The following CCSER1 variants were observed in gnomAD, a reference collection of about 807,000 sequenced individuals.
CCSER1 encodes coiled-coil serine rich protein 1, also known as serine-rich coiled-coil domain-containing protein 1.
Under a neutral mutation model 82.0 loss-of-function variants are expected in CCSER1, and 41 were observed. The observed-to-expected ratio is 0.50, with a 90% confidence interval of 0.39 to 0.65. The LOEUF is 0.65. Ranked by LOEUF, CCSER1 falls within the 30% of genes least tolerant of loss-of-function variation. The probability of loss-of-function intolerance (pLI) is 0.00; values close to 1 mark genes in which losing one functional copy is unlikely to be tolerated. For synonymous variants in CCSER1, 414 were observed against 383.9 expected (o/e 1.08, Z -0.92); for missense variants, 1,119 against 1,064.2 (o/e 1.05, Z -0.72).
At chr4:90,521,157 GCTTCT>G (rs1171653757) in intron 5 of CCSER1, among the ~76,000 whole-genome samples, 2 of 152,016 alleles carry the variant, frequency 1.3e-5, no homozygotes, top group Non-Finnish European at 2.9e-5. Flanking sequence ...TAATTCTTGT[GCTTCT>G]CTTAAGTTCC....
chr4:91,552,705 C>T (rs1762212735), intron 10 of CCSER1, among the ~76,000 whole-genome samples: 2 of 151,334 alleles, frequency 1.3e-5, no homozygotes, highest in African/African-American at 4.9e-5. Context: ...AGAAATGCAA[C>T]TGAGTTTTGC....
In CCSER1 at chr4:90,692,931, A is replaced by T. The variant is rs533058920; in HGVS notation, c.1933-30983A>T. 9.4e-4 allele frequency among the ~76,000 whole-genome samples: 143 copies of T among 152,070 alleles called. 1 individual carries two copies. The highest frequency in any genetic ancestry group is 3.2e-3 in the African/African-American group (132 of 41,550). On this transcript the variant is annotated intron_variant, in intron 6 of 10. Transcript: ENST00000509176. Reference sequence around the variant, plus strand: ...TTCACGTTTTTCTCATTTTAAATGCATGTCCTTTTTTCTTTATAAAGATGT... The same window carrying T: ...TTCACGTTTTTCTCATTTTAAATGCTTGTCCTTTTTTCTTTATAAAGATGT...
chr4:90,154,021 T>G (rs958567074), intron 1 of CCSER1, among the ~76,000 whole-genome samples: 11 of 152,218 alleles, frequency 7.2e-5, no homozygotes, highest in Non-Finnish European at 1.3e-4. Flanking sequence ...GTCTAACGTT[T>G]AAGTCTTTAA....
intron 10 of CCSER1, among the ~76,000 whole-genome samples, chr4:91,384,749 A>T (rs1372594382): frequency 6.6e-6 from 1 of 152,086 alleles, no homozygotes; most frequent in Non-Finnish European, 1.5e-5. Flanking sequence ...TTCATGACAA[A>T]GTGCACCGTA....
intron 1 of CCSER1, among the ~76,000 whole-genome samples, chr4:90,172,789 G>A (rs913300530): frequency 1.3e-5 from 2 of 151,850 alleles, no homozygotes; most frequent in African/African-American, 4.8e-5. Context: ...GTTTGAAATA[G>A]TAAAATGAAA....
intron 5 of CCSER1, among the ~76,000 whole-genome samples, chr4:90,485,102 C>A (rs1766792492): frequency 6.6e-6 from 1 of 152,186 alleles, no homozygotes. Context: ...GCCTTGCTGC[C>A]ACCTTGCAGT....
intron 9 of CCSER1, among the ~76,000 whole-genome samples, chr4:90,956,915 G>T (rs1394512353): frequency 6.7e-6 from 1 of 148,482 alleles, no homozygotes; most frequent in Non-Finnish European, 1.5e-5. Flanking sequence ...GTGTAGCTGG[G>T]ACTACAGGTG....
intron 10 of CCSER1, among the ~76,000 whole-genome samples, chr4:91,154,609 A>G (rs1730614726): frequency 6.6e-6 from 1 of 152,040 alleles, no homozygotes; most frequent in African/African-American, 2.4e-5. Context: ...CATCTTCTGC[A>G]TCACTCACGC....
At chr4:90,665,199 G>C (rs1167461954) in intron 6 of CCSER1, among the ~76,000 whole-genome samples, 1 of 152,032 alleles carries the variant, frequency 6.6e-6, no homozygotes, top group African/African-American at 2.4e-5. Flanking sequence ...GAAGAGCAGG[G>C]AAGAAAAACA....
At position 90,905,865 on chromosome 4, in the gene CCSER1, G is replaced by A. The variant is rs546276177; in HGVS notation, c.2095-17505G>A. Among the ~76,000 whole-genome samples, 7 of 152,112 alleles carry A rather than the reference G, an allele frequency of 4.6e-5. No individual in the cohort carries two copies. The East Asian group carries it at 5.8e-4, about 13-fold the overall frequency. On this transcript the variant is annotated intron_variant, in intron 8 of 10. Transcript: ENST00000509176. ...ACTGTGAACATTTAGCCAAAATGTC[G>A]CATAACTAGTTTTGTTTATAAATAT...
At chr4:91,136,679 T>C (rs1728497649) in intron 10 of CCSER1, among the ~76,000 whole-genome samples, 1 of 152,108 alleles carries the variant, frequency 6.6e-6, no homozygotes, top group African/African-American at 2.4e-5. Context: ...TATGAATTTA[T>C]TCAAACTTTA....
rs182147485 is a variant in CCSER1 at position 91,096,215 on chromosome 4, G to A, written c.2217+10221G>A. 9.2e-5 allele frequency among the ~76,000 whole-genome samples: 14 copies of A among 152,248 alleles called. No homozygotes were observed. In the East Asian group the frequency reaches 1.7e-3, roughly 19 times the overall value. ...TCCAGTATTGGGCCGTAAATGGGCC[G>A]CCAAGGGAGGAGTTTCTCCTGCAGC... On this transcript the variant is annotated intron_variant, in intron 10 of 10. Transcript: ENST00000509176.
chr4:90,731,259 C>G (rs1335415957), intron 7 of CCSER1, among the ~76,000 whole-genome samples: 1 of 152,056 alleles, frequency 6.6e-6, no homozygotes, highest in African/African-American at 2.4e-5. Flanking sequence ...CTTTAGGTAA[C>G]TTTCTGATGT....
At chr4:90,827,145 G>A (rs1200141986) in intron 8 of CCSER1, among the ~76,000 whole-genome samples, 1 of 152,210 alleles carries the variant, frequency 6.6e-6, no homozygotes, top group Non-Finnish European at 1.5e-5. Context: ...AAAGCAAGGG[G>A]AGGAATATCC....
intron 6 of CCSER1, among the ~76,000 whole-genome samples, chr4:90,644,945 C>T (rs768154469): frequency 3.3e-5 from 5 of 151,138 alleles, no homozygotes; most frequent in African/African-American, 9.7e-5. Flanking sequence ...AGCTGGATGT[C>T]GTGGCACACA....
chr4:91,413,971 T>G (rs1159812636), intron 10 of CCSER1, among the ~76,000 whole-genome samples: 1 of 152,018 alleles, frequency 6.6e-6, no homozygotes, highest in African/African-American at 2.4e-5. Flanking sequence ...GAAGAAAAGA[T>G]AAAGACATTA....
At position 91,220,855 on chromosome 4, in the gene CCSER1, A is replaced by G. The variant is rs559123247; in HGVS notation, c.2217+134861A>G. ...TTGACTGTAGTAAGCACTTCACTATATATACATATATATCAAAATATCATG... is the reference window on the plus strand; with the variant it reads ...TTGACTGTAGTAAGCACTTCACTATGTATACATATATATCAAAATATCATG... On this transcript the variant is annotated intron_variant, in intron 10 of 10. Coordinates refer to ENST00000509176, the MANE Select transcript of CCSER1 (RefSeq NM_001145065.2). 6.6e-4 allele frequency among the ~76,000 whole-genome samples: 101 copies of G among 152,316 alleles called. 2 individuals are homozygous for G. The South Asian group carries it at 0.018, about 27-fold the overall frequency.
At chr4:90,163,104 ATTATT>A (rs1314069965) in intron 1 of CCSER1, among the ~76,000 whole-genome samples, 4 of 152,258 alleles carry the variant, frequency 2.6e-5, no homozygotes, top group Admixed American at 1.3e-4. Context: ...TTATTTTAGC[ATTATT>A]TTATTTACAT....
At chr4:90,984,297 A>C (rs1041766360) in intron 9 of CCSER1, among the ~76,000 whole-genome samples, 1 of 151,874 alleles carries the variant, frequency 6.6e-6, no homozygotes, top group Admixed American at 6.6e-5. Flanking sequence ...TTAAAGAAAA[A>C]CAGAGTCATA....
Sources: allele counts gnomAD v4.1 joint callset (sites outside exome capture counted in the v4.1 genomes callset), GRCh38; gene constraint gnomAD v4.1.1; transcripts MANE v1.5; gene names NCBI Gene and HGNC (gene_info 2026-07-23, HGNC 2026-07-21).